The following WNK2 variants were observed in gnomAD, a reference collection of about 807,000 sequenced individuals.
WNK2 encodes serine/threonine-protein kinase WNK2.
A neutral mutation model predicts 192.1 loss-of-function variants in WNK2; 67 were observed. That is an observed-to-expected ratio of 0.35 (90% confidence interval 0.29 to 0.43). WNK2 has a LOEUF of 0.43. Among genes scored for constraint, WNK2 ranks in the 20% least tolerant of loss-of-function variants. The pLI is 1.00. For missense variants in WNK2, 2,698 were observed against 3,089.7 expected (o/e 0.87, Z 3.01); for synonymous variants, 1,439 against 1,393.9 (o/e 1.03, Z -0.72).
chr9:93,206,493 G>A (rs141998864), intron 2 of WNK2, among the ~76,000 whole-genome samples: 1,903 of 152,068 alleles, frequency 0.013, 25 homozygotes, highest in Non-Finnish European at 0.02. Flanking sequence ...CTTAGCCCTG[G>A]ATGCACCGGG....
Position 93,293,010 on chromosome 9 carries a change from C to T in WNK2, c.5545C>T (p.Arg1849Trp), listed in dbSNP as rs35032940. The T allele has an allele frequency of 1.7e-3, 2,682 of 1,594,368 alleles. 11 individuals are homozygous for T. The highest frequency in any genetic ancestry group is 2.0e-3 in the Non-Finnish European group (2,361 of 1,171,406). ...CACCGCCTTCCTGCAGAGGCCTTCT[C>T]GGGCCGGCTCGCTGGGCCCCGAGAC... is the stretch of plus-strand genomic sequence containing the variant. ...KATAFLQRPS[R>W]AGSLGPETPS... The change falls in exon 23 of 30, where the codon CGG becomes TGG. Residue 1849 changes from arginine to tryptophan, a missense_variant. Around this residue, in one of 7 missense-constraint regions of WNK2, gnomAD observed 1,098 missense variants for 1,101.0 expected, o/e 1.00. Transcript: ENST00000427277.
At position 93,289,378 on chromosome 9, in the gene WNK2, G is replaced by C. The variant is rs755126864; in HGVS notation, c.4624G>C (p.Val1542Leu). 1 of 1,612,394 alleles carries C rather than the reference G, an allele frequency of 6.2e-7. No homozygotes were observed. Among genetic ancestry groups the C allele is most frequent in the Admixed American group, 1.7e-5 (1 of 59,992 alleles). Residue 1542 changes from valine (V) to leucine (L), a missense_variant, in exon 20 of 30, where the codon GTG becomes CTG. Val to Leu is a conservative substitution (Grantham distance 32, BLOSUM62 1). This residue lies in a region of WNK2 where 1,098 missense variants were observed against 1,101.0 expected (regional missense o/e 1.00). Coordinates refer to ENST00000427277, the MANE Select transcript of WNK2 (RefSeq NM_006648.4). ...GGATGGGGAAGGGCCGCCCCCCAGG[G>C]TGGGCTTTGTGGACAGCACCATCAA... ...ESDGEGPPPRVGFVDSTIKSL... is the reference protein window; with the variant it reads ...ESDGEGPPPRLGFVDSTIKSL...
intron 19 of WNK2, among the ~76,000 whole-genome samples, chr9:93,274,731 C>T (rs1284773195): frequency 6.6e-6 from 1 of 151,906 alleles, no homozygotes; most frequent in African/African-American, 2.4e-5. Flanking sequence ...TCTGAATAGC[C>T]CTGTACCTGT....
chr9:93,246,044 C>T (rs1413553979), intron 7 of WNK2, among the ~76,000 whole-genome samples: 2 of 152,234 alleles, frequency 1.3e-5, no homozygotes, highest in Admixed American at 1.3e-4. Context: ...GCCACACCTA[C>T]CTGCCGCCCC....
intron 4 of WNK2, among the ~76,000 whole-genome samples, chr9:93,231,898 C>T (rs895125893): frequency 4.6e-5 from 7 of 152,320 alleles, no homozygotes; most frequent in African/African-American, 1.7e-4. Flanking sequence ...GTGAAGTGTC[C>T]ACTGGTCCTG....
intron 18 of WNK2, 56 bp downstream of exon 18, chr9:93,268,121 C>T: frequency 6.4e-7 from 1 of 1,558,674 alleles, no homozygotes; most frequent in Admixed American, 1.9e-5. Flanking sequence ...AAAGTCCCCA[C>T]TCAGCATATT....
chr9:93,187,422 G>A (rs531297275), intron 2 of WNK2, among the ~76,000 whole-genome samples: 1 of 152,064 alleles, frequency 6.6e-6, no homozygotes. Flanking sequence ...TGTTACTGGT[G>A]CCCCAAACTT....
At chr9:93,228,030 C>T (rs1395929837) in intron 2 of WNK2, among the ~76,000 whole-genome samples, 2 of 152,176 alleles carry the variant, frequency 1.3e-5, no homozygotes, top group Non-Finnish European at 2.9e-5. Context: ...CTTATTGAAT[C>T]TTTATGGGAA....
intron 2 of WNK2, among the ~76,000 whole-genome samples, chr9:93,203,782 A>C (rs1832897560): frequency 1.3e-5 from 2 of 152,146 alleles, no homozygotes; most frequent in Non-Finnish European, 2.9e-5. Flanking sequence ...GGCATCTCGA[A>C]CTGTGAGAGA....
At chr9:93,246,699 C>T (rs142828466) in intron 7 of WNK2, among the ~76,000 whole-genome samples, 5 of 152,364 alleles carry the variant, frequency 3.3e-5, no homozygotes, top group South Asian at 2.1e-4. Context: ...GGCACTGCCC[C>T]GAAGCCAGGA....
At position 93,299,838 on chromosome 9, in the gene WNK2, C is replaced by G. The variant is rs1851288523; in HGVS notation, c.6116-213C>G. Among the ~76,000 whole-genome samples the G allele has an allele frequency of 3.3e-5, 5 of 149,584 alleles. No individual in the cohort carries two copies. In the South Asian group the frequency reaches 6.5e-4, roughly 19 times the overall value. ...AGCCGCCCCGCCCCGCCCACCCCAC[C>G]CTGCCCGCCCCTCTCCGGGCTGCTT... On this transcript the variant is annotated intron_variant, in intron 25 of 29. Coordinates refer to ENST00000427277, the MANE Select transcript of WNK2 (RefSeq NM_006648.4).
intron 26 of WNK2, among the ~76,000 whole-genome samples, chr9:93,300,712 G>A (rs1293326914): frequency 6.6e-6 from 1 of 152,138 alleles, no homozygotes; most frequent in Non-Finnish European, 1.5e-5. Context: ...CCAAATCCCA[G>A]CACCCAGTAC....
intron 28 of WNK2, among the ~76,000 whole-genome samples, chr9:93,314,152 G>C (rs955844388): frequency 6.6e-6 from 1 of 152,014 alleles, no homozygotes; most frequent in Admixed American, 6.5e-5. Flanking sequence ...CATGGTGGTG[G>C]GCTTCTGTAA....
intron 24 of WNK2, 69 bp from the exon 25 acceptor site, chr9:93,299,001 G>C: frequency 6.7e-7 from 1 of 1,495,142 alleles, no homozygotes; most frequent in Non-Finnish European, 9.0e-7. Flanking sequence ...AGGCAGAACA[G>C]ACTCAATCCA....
intron 12 of WNK2, among the ~76,000 whole-genome samples, chr9:93,260,222 G>A (rs1844002120): frequency 6.6e-6 from 1 of 151,826 alleles, no homozygotes; most frequent in Admixed American, 6.6e-5. Context: ...GCTGGTGGGA[G>A]GCCTTCCCAC....
chr9:93,288,285 G>A (rs974177811), intron 19 of WNK2, among the ~76,000 whole-genome samples: 4 of 152,218 alleles, frequency 2.6e-5, no homozygotes, highest in African/African-American at 9.6e-5. Flanking sequence ...AAGACTGGGG[G>A]TCTGAAGGCT....
chr9:93,244,702 C>T (rs561814569), intron 7 of WNK2, among the ~76,000 whole-genome samples: 1 of 152,212 alleles, frequency 6.6e-6, no homozygotes, highest in Non-Finnish European at 1.5e-5. Flanking sequence ...CCCACATGCT[C>T]ACTAGGAGCA....
rs1321388063 is a variant in WNK2 at position 93,185,137 on chromosome 9, C to T, written c.208C>T (p.Pro70Ser). The T allele has an allele frequency of 7.7e-7, 1 of 1,304,400 alleles. No homozygotes were observed. The highest frequency in any genetic ancestry group is 3.2e-5 in the Admixed American group (1 of 31,682). The allele number at this position is 1,304,400 out of a possible 1,614,324, so 80.8% of individuals were successfully genotyped here. ...GGCGCCGGGCCCGCAGCCCCCGCAG[C>T]CCCTGCAGCGCCGGGTGCTTCTGCT... ...AEAPGPQPPQ[P>S]LQRRVLLLCK... is the part of the protein sequence containing the mutation. The change falls in exon 2 of 30, where the codon CCC becomes TCC. Residue 70 changes from proline (P) to serine (S), a missense_variant. Pro to Ser is a moderately conservative substitution (Grantham distance 74). Coordinates refer to ENST00000427277, the MANE Select transcript of WNK2 (RefSeq NM_006648.4).
intron 28 of WNK2, 175 bp from the exon 29 acceptor site, chr9:93,317,345 T>G: frequency 1.6e-6 from 1 of 643,966 alleles, no homozygotes; most frequent in Non-Finnish European, 2.7e-6. Context: ...AGGGTGATGG[T>G]TCCTGGCCCC....
Sources: allele counts gnomAD v4.1 joint callset (sites outside exome capture counted in the v4.1 genomes callset), GRCh38; gene constraint gnomAD v4.1.1; regional missense constraint gnomAD v4.1.1; transcripts MANE v1.5; gene names NCBI Gene and HGNC (gene_info 2026-07-23, HGNC 2026-07-21).